Variants in CELSR1 observed in about 807,000 individuals in gnomAD.
The protein encoded by CELSR1 is cadherin EGF LAG seven-pass G-type receptor 1, also known as adhesion G protein-coupled receptor C1.
In CELSR1, 110 loss-of-function variants were observed where a neutral mutation model predicts 249.1. The ratio of observed to expected loss-of-function variants is 0.44; its 90% CI spans 0.38 to 0.52. The LOEUF is 0.52. Among genes scored for constraint, CELSR1 ranks in the 20% least tolerant of loss-of-function variants. CELSR1 has a pLI of 0.00. For synonymous variants in CELSR1, 2,113 were observed against 1,900.0 expected (o/e 1.11, Z -2.92); for missense variants, 4,109 against 4,296.4 (o/e 0.96, Z 1.22).
Position 46,397,694 on chromosome 22 carries a change from T to C in CELSR1, c.5681A>G (p.Tyr1894Cys). The change falls in exon 12 of 35, where the codon TAC (tyrosine) becomes TGC (cysteine). Residue 1894 changes from tyrosine (Y) to cysteine (C), a missense_variant. Tyr to Cys is a radical substitution (Grantham distance 194). Coordinates refer to ENST00000674500, the MANE Select transcript of CELSR1 (RefSeq NM_001378328.1). ...CCCACCTTTGTCACAGACGCAGCTGTAGTCCTCCCAGGCGTCGTGGCAGCG... is the reference window on the plus strand; with the variant it reads ...CCCACCTTTGTCACAGACGCAGCTGCAGTCCTCCCAGGCGTCGTGGCAGCG... ...NSRCHDAWED[Y>C]SCVCDKGYLG... 6.4e-7 allele frequency: 1 copy of C among 1,551,312 alleles called. No individual in the cohort carries two copies. The highest frequency in any genetic ancestry group is 8.7e-7 in the Non-Finnish European group (1 of 1,145,044).
At chr22:46,528,938 T>C (rs2080765306) in intron 1 of CELSR1, among the ~76,000 whole-genome samples, 1 of 138,246 alleles carries the variant, frequency 7.2e-6, no homozygotes. Context: ...CAAAATAAAA[T>C]AAAATAAAAT....
At chr22:46,461,868 G>A (rs1258530448) in intron 2 of CELSR1, among the ~76,000 whole-genome samples, 2 of 152,248 alleles carry the variant, frequency 1.3e-5, no homozygotes, top group Non-Finnish European at 2.9e-5. Context: ...GGGAAGGGGC[G>A]CTGACCGTGC....
chr22:46,528,364 T>C (rs1602244556), intron 1 of CELSR1, among the ~76,000 whole-genome samples: 2 of 152,294 alleles, frequency 1.3e-5, no homozygotes, highest in East Asian at 3.9e-4. Flanking sequence ...TTCACCGAGT[T>C]TCAGTATTTT....
At chr22:46,503,045 G>A (rs9627480) in intron 1 of CELSR1, among the ~76,000 whole-genome samples, 1,690 of 152,228 alleles carry the variant, frequency 0.011, 33 homozygotes, top group African/African-American at 0.039. Context: ...CCCCTTCTCC[G>A]TGCCCACCCT....
chr22:46,488,457 G>A lies in CELSR1; in HGVS notation c.3545-24112C>T, dbSNP rs999910404. Among the ~76,000 whole-genome samples, 1 of 152,172 alleles carries A rather than the reference G, an allele frequency of 6.6e-6. No individual in the cohort carries two copies. Among genetic ancestry groups the A allele is most frequent in the African/African-American group, 2.4e-5 (1 of 41,418 alleles). On this transcript the variant is annotated intron_variant, in intron 1 of 34. Transcript: ENST00000674500. This position sits in a 1 kb window ranked among gnomAD's most constrained non-coding sequence, Gnocchi z 4.7. ...CCATAGAGCGTGCACCTAGGCGTGC[G>A]TGCCAGTGAGCTCAGTGGGACGGTT...
At chr22:46,532,284 A>G (rs1882454929) in intron 1 of CELSR1, among the ~76,000 whole-genome samples, 1 of 152,270 alleles carries the variant, frequency 6.6e-6, no homozygotes. Flanking sequence ...TCCTAAGAAT[A>G]TCCATAACCC....
At chr22:46,520,803 CTG>C (rs2080677855) in intron 1 of CELSR1, among the ~76,000 whole-genome samples, 1 of 152,132 alleles carries the variant, frequency 6.6e-6, no homozygotes, top group South Asian at 2.1e-4. Flanking sequence ...TACCTTTACA[CTG>C]TTATACAACC....
chr22:46,367,859 C>A lies in CELSR1; in HGVS notation c.7953-4G>T, dbSNP rs761968867. 1 of 1,608,190 alleles carries A rather than the reference C, an allele frequency of 6.2e-7. No individual in the cohort carries two copies. The highest frequency in any genetic ancestry group is 8.5e-7 in the Non-Finnish European group (1 of 1,178,912). On this transcript the variant is annotated splice_polypyrimidine_tract_variant and splice_region_variant and intron_variant, in intron 27 of 34. Coordinates refer to ENST00000674500, the MANE Select transcript of CELSR1 (RefSeq NM_001378328.1). ...GAATGCGGTCCTCAGCAGGGAGCTG[C>A]GGGAGGGCAGGATCAGGCCTGTGCC...
Position 46,433,846 on chromosome 22 carries a change from G to A in CELSR1, c.4523-365C>T, listed in dbSNP as rs6008825. ...ATTACAGGCACCCACCACCACACCC[G>A]GCTAATTTTTGTATTTTTAGTAGAG... On this transcript the variant is annotated intron_variant, in intron 4 of 34. Coordinates refer to ENST00000674500, the MANE Select transcript of CELSR1 (RefSeq NM_001378328.1). The surrounding 1 kb of genome is among the most constrained non-coding windows in gnomAD (Gnocchi z 5.7). Among the ~76,000 whole-genome samples, 9,399 of 152,054 alleles carry A rather than the reference G, an allele frequency of 0.062. 368 individuals are homozygous for A. Among genetic ancestry groups the A allele is most frequent in the African/African-American group, 0.12 (4,943 of 41,444 alleles).
Position 46,523,751 on chromosome 22 carries a change from G to C in CELSR1, c.3544+9876C>G, listed in dbSNP as rs149320608. 3.3e-5 allele frequency among the ~76,000 whole-genome samples: 5 copies of C among 151,988 alleles called. No individual in the cohort carries two copies. The East Asian group carries it at 9.7e-4, about 29-fold the overall frequency. The stretch of plus-strand genomic sequence containing the variant: ...CCTCATCTGGTATCTCCCTCCCCAG[G>C]CTCCCCAAATAAGAGCCTCCAGCTC... On this transcript the variant is annotated intron_variant, in intron 1 of 34. Transcript: ENST00000674500.
In CELSR1 at chr22:46,384,465, C is replaced by T. The variant is rs77348579; in HGVS notation, c.6883+78G>A. Reference sequence around the variant, plus strand: ...CCAGATCTTCAGTGCGCAGGTCCTGCGATGCCCGCAGCGGGGCCCTCCCCT... The same window carrying T: ...CCAGATCTTCAGTGCGCAGGTCCTGTGATGCCCGCAGCGGGGCCCTCCCCT... On this transcript the variant is annotated intron_variant, in intron 20 of 34. Transcript: ENST00000674500. The T allele has an allele frequency of 2.6e-3, 3,847 of 1,470,518 alleles. 91 individuals carry two copies. The African/African-American group carries it at 0.048, about 18-fold the overall frequency. The allele number at this position is 1,470,518 out of a possible 1,614,324, so 91.1% of individuals were successfully genotyped here.
At chr22:46,388,930 T>A (rs925191821) in intron 18 of CELSR1, among the ~76,000 whole-genome samples, 1 of 152,182 alleles carries the variant, frequency 6.6e-6, no homozygotes. Flanking sequence ...TGCCTCTGTT[T>A]CCTTACCTGT....
chr22:46,529,607 A>T (rs2080772180), intron 1 of CELSR1, among the ~76,000 whole-genome samples: 1 of 152,030 alleles, frequency 6.6e-6, no homozygotes, highest in South Asian at 2.1e-4. Context: ...GTTCGAGACC[A>T]GCCTGGCCAA....
In CELSR1 at chr22:46,537,469, CGGCTCCAGGT is replaced by C. The variant is rs1190507937; in HGVS notation, c.-309_-300del. Among the ~76,000 whole-genome samples, 5 of 149,216 alleles carry C rather than the reference CGGCTCCAGGT, an allele frequency of 3.4e-5. No homozygotes were observed. Among genetic ancestry groups the C allele is most frequent in the East Asian group, 1.9e-4 (1 of 5,166 alleles). ...CTGCGGCGGCGGCGGCGGCTCCAGG[CGGCTCCAGGT>C]GGCTCCGGCGCGGGCTCGGCCGGAC... On this transcript the variant is annotated 5_prime_UTR_variant, in exon 1 of 35. Transcript: ENST00000674500. The surrounding 1 kb of genome is among the most constrained non-coding windows in gnomAD (Gnocchi z 5.8).
intron 2 of CELSR1, among the ~76,000 whole-genome samples, chr22:46,442,808 T>C (rs1226497829): frequency 6.6e-6 from 1 of 151,928 alleles, no homozygotes; most frequent in Non-Finnish European, 1.5e-5. Flanking sequence ...AATGTGTAAC[T>C]GGGCCTGGCG....
In CELSR1 at chr22:46,484,662, G is replaced by C. The variant is rs9627477; in HGVS notation, c.3545-20317C>G. Among the ~76,000 whole-genome samples the C allele has an allele frequency of 8.2e-3, 1,183 of 143,554 alleles. 19 individuals are homozygous for C. Among genetic ancestry groups the C allele is most frequent in the African/African-American group, 0.029 (1,139 of 39,120 alleles). The allele number at this position is 143,554 out of a possible 152,430, so 94.2% of individuals were successfully genotyped here. ...AGCACCTGTTTTGGCTGGGCATGGGGGTTCTGCCCCAGAGACCCTGTGGCC... is the reference window on the plus strand; with the variant it reads ...AGCACCTGTTTTGGCTGGGCATGGGCGTTCTGCCCCAGAGACCCTGTGGCC... On this transcript the variant is annotated intron_variant, in intron 1 of 34. Coordinates refer to ENST00000674500, the MANE Select transcript of CELSR1 (RefSeq NM_001378328.1). The surrounding 1 kb of genome is among the most constrained non-coding windows in gnomAD (Gnocchi z 4.5).
chr22:46,526,036 C>T lies in CELSR1; in HGVS notation c.3544+7591G>A, dbSNP rs1049248501. On this transcript the variant is annotated intron_variant, in intron 1 of 34. Transcript: ENST00000674500. This position sits in a 1 kb window ranked among gnomAD's most constrained non-coding sequence, Gnocchi z 4.7. ...AAAAATGGTCTCTCAACACCCTGGT[C>T]GGTACATGGGGCCAGACATAGACCT... Among the ~76,000 whole-genome samples the T allele has an allele frequency of 2.0e-5, 3 of 152,244 alleles. No individual in the cohort carries two copies. The highest frequency in any genetic ancestry group is 4.4e-5 in the Non-Finnish European group (3 of 68,044).
At chr22:46,519,703 A>C (rs2080665202) in intron 1 of CELSR1, among the ~76,000 whole-genome samples, 1 of 152,126 alleles carries the variant, frequency 6.6e-6, no homozygotes, top group Non-Finnish European at 1.5e-5. Context: ...ACCAGGAAAC[A>C]CTGGACCCTG....
At position 46,411,490 on chromosome 22, in the gene CELSR1, C is replaced by T. The variant is rs1222773469; in HGVS notation, c.4769+112G>A. 2.5e-5 allele frequency: 31 copies of T among 1,253,486 alleles called. No homozygotes were observed. Among genetic ancestry groups the T allele is most frequent in the East Asian group, 5.0e-5 (2 of 39,712 alleles). 77.6% of individuals were successfully genotyped at this position (1,253,486 alleles called of 1,614,324 possible). On this transcript the variant is annotated intron_variant, in intron 6 of 34. Coordinates refer to ENST00000674500, the MANE Select transcript of CELSR1 (RefSeq NM_001378328.1). This position sits in a 1 kb window ranked among gnomAD's most constrained non-coding sequence, Gnocchi z 4.2. ...GTCTGACTCTAGCCTGGAATGAGGT[C>T]GCCAGGGCACTGCACCCAGAGTGCC...
Sources: allele counts gnomAD v4.1 joint callset (sites outside exome capture counted in the v4.1 genomes callset), GRCh38; gene constraint gnomAD v4.1.1; non-coding constraint Gnocchi (gnomAD v3.1); transcripts MANE v1.5; gene names NCBI Gene and HGNC (gene_info 2026-07-23, HGNC 2026-07-21).